The following CWF19L2 variants were observed in gnomAD, a reference collection of about 807,000 sequenced individuals.
The protein encoded by CWF19L2 is CWF19 like cell cycle control factor 2, also known as CWF19-like protein 2.
CWF19L2 carries 98 observed loss-of-function variants against 111.7 expected under a neutral mutation model. That is an observed-to-expected ratio of 0.88 (90% confidence interval 0.75 to 1.04). The LOEUF is 1.04. CWF19L2 is among the 50% of genes least tolerant of loss of function. The pLI is 0.00. For synonymous variants in CWF19L2, 351 were observed against 342.9 expected, an observed-to-expected ratio of 1.02 and a Z score of -0.26; for missense variants, 1,101 against 1,051.4, an observed-to-expected ratio of 1.05 and a Z score of -0.65.
At chr11:107,412,679 CT>C (rs1861174507) in intron 10 of CWF19L2, among the ~76,000 whole-genome samples, 1 of 152,186 alleles carries the variant, frequency 6.6e-6, no homozygotes, top group Non-Finnish European at 1.5e-5. Flanking sequence ...ACACAAAAAA[CT>C]GCACACAGAT....
At chr11:107,426,696 T>C (rs1274344599) in intron 8 of CWF19L2, among the ~76,000 whole-genome samples, 3 of 151,736 alleles carry the variant, frequency 2.0e-5, no homozygotes, top group Non-Finnish European at 4.4e-5. Flanking sequence ...GATATACTTA[T>C]TGGGAAAAAA....
chr11:107,365,523 C>T (rs1292137809), intron 12 of CWF19L2, among the ~76,000 whole-genome samples: 12 of 90,260 alleles, frequency 1.3e-4, no homozygotes, highest in African/African-American at 3.5e-4. Flanking sequence ...GTTCAATATA[C>T]GCAAATCAAT....
chr11:107,334,469 G>GAA (rs1380530730), intron 16 of CWF19L2, among the ~76,000 whole-genome samples: 3 of 152,124 alleles, frequency 2.0e-5, no homozygotes, highest in African/African-American at 7.2e-5. Context: ...ATAAGAAAAA[G>GAA]AAAATGAGTT....
chr11:107,409,968 A>G (rs77833551), intron 10 of CWF19L2, among the ~76,000 whole-genome samples: 119 of 152,244 alleles, frequency 7.8e-4, no homozygotes, highest in African/African-American at 2.8e-3. Flanking sequence ...CCCTTGTCCT[A>G]AATACTAAAT....
intron 7 of CWF19L2, 94 bp from the exon 8 acceptor site, chr11:107,429,545 G>T: frequency 1.0e-6 from 1 of 976,690 alleles, no homozygotes; most frequent in Non-Finnish European, 1.5e-6. Context: ...CTGCCAAGTG[G>T]CACACTGAAA....
At chr11:107,399,328 T>C (rs1327201414) in intron 10 of CWF19L2, among the ~76,000 whole-genome samples, 1 of 152,052 alleles carries the variant, frequency 6.6e-6, no homozygotes, top group Non-Finnish European at 1.5e-5. Flanking sequence ...TTCAGGAAAC[T>C]CACCTAACAC....
intron 8 of CWF19L2, among the ~76,000 whole-genome samples, chr11:107,425,860 CATT>C (rs1861368791): frequency 6.6e-6 from 1 of 151,952 alleles, no homozygotes; most frequent in South Asian, 2.1e-4. Flanking sequence ...AAGGACTTCT[CATT>C]AATTTTTGTT....
chr11:107,457,259 C>A (rs1426746070), intron 1 of CWF19L2, among the ~76,000 whole-genome samples: 1 of 152,064 alleles, frequency 6.6e-6, no homozygotes, highest in Non-Finnish European at 1.5e-5. Flanking sequence ...GGAATTGATA[C>A]CAATAGAGAC....
At chr11:107,399,108 A>G (rs547637057) in intron 10 of CWF19L2, among the ~76,000 whole-genome samples, 3 of 152,342 alleles carry the variant, frequency 2.0e-5, no homozygotes, top group Admixed American at 6.5e-5. Context: ...TCTTTAAAGC[A>G]TAAATTACAC....
chr11:107,332,169 C>T (rs887387193), intron 16 of CWF19L2, among the ~76,000 whole-genome samples: 15 of 152,162 alleles, frequency 9.9e-5, no homozygotes, highest in African/African-American at 3.4e-4. Context: ...TAGTTTAGAA[C>T]ATCAATTTCT....
chr11:107,384,565 T>G (rs1337336408), intron 12 of CWF19L2, among the ~76,000 whole-genome samples: 1 of 152,172 alleles, frequency 6.6e-6, no homozygotes, highest in African/African-American at 2.4e-5. Context: ...TCAAATACAT[T>G]TGCATTGAAG....
intron 4 of CWF19L2, 141 bp downstream of exon 4, chr11:107,442,798 G>GGGAGGGAA: frequency 3.8e-6 from 1 of 265,696 alleles, no homozygotes; most frequent in South Asian, 4.7e-5. Context: ...AAGGAAGGGA[G>GGGAGGGAA]GGAGGGAGGG....
At chr11:107,362,336 A>C (rs656869) in intron 12 of CWF19L2, among the ~76,000 whole-genome samples, 125,109 of 151,416 alleles carry the variant, frequency 0.83, 52,268 homozygotes, top group African/African-American at 0.95. Flanking sequence ...CTCAAGGAGG[A>C]CTGCCTGCCT....
chr11:107,380,773 TCC>T (rs1254566686), intron 12 of CWF19L2, among the ~76,000 whole-genome samples: 1 of 152,148 alleles, frequency 6.6e-6, no homozygotes. Context: ...ACACCAATGT[TCC>T]TAAGAGCATT....
intron 2 of CWF19L2, among the ~76,000 whole-genome samples, chr11:107,454,833 A>G (rs995091203): frequency 6.6e-6 from 1 of 152,184 alleles, no homozygotes; most frequent in African/African-American, 2.4e-5. Context: ...TTTGTAGATT[A>G]ATGTGACAAA....
Position 107,329,436 on chromosome 11 carries a change from C to T in CWF19L2, c.2541+482G>A, listed in dbSNP as rs116208686. Among the ~76,000 whole-genome samples, 692 of 152,242 alleles carry T rather than the reference C, an allele frequency of 4.5e-3. 5 individuals carry two copies. Among genetic ancestry groups the T allele is most frequent in the African/African-American group, 0.015 (618 of 41,530 alleles). On this transcript the variant is annotated intron_variant, in intron 17 of 17. Transcript: ENST00000282251. Reference sequence around the variant, plus strand: ...GAGAAAATTGGTTCTCTAGTTCAACCATGACTATATGTACTCCTAGTTCTA... The same window carrying T: ...GAGAAAATTGGTTCTCTAGTTCAACTATGACTATATGTACTCCTAGTTCTA...
chr11:107,412,637 A>G (rs1359635818), intron 10 of CWF19L2, among the ~76,000 whole-genome samples: 2 of 152,198 alleles, frequency 1.3e-5, no homozygotes, highest in African/African-American at 4.8e-5. Context: ...CAGTGCGCCC[A>G]GCCTACCAAA....
chr11:107,451,377 C>T (rs905433231), intron 3 of CWF19L2, among the ~76,000 whole-genome samples: 2 of 151,794 alleles, frequency 1.3e-5, no homozygotes, highest in African/African-American at 2.4e-5. Context: ...AAATCAGTGG[C>T]GATACATTCA....
intron 12 of CWF19L2, among the ~76,000 whole-genome samples, chr11:107,383,593 C>T (rs1431433599): frequency 6.6e-6 from 1 of 151,968 alleles, no homozygotes; most frequent in African/African-American, 2.4e-5. Flanking sequence ...CCTATACAAA[C>T]ACAATTAAGT....
Sources: allele counts gnomAD v4.1 joint callset (sites outside exome capture counted in the v4.1 genomes callset), GRCh38; gene constraint gnomAD v4.1.1; transcripts MANE v1.5; gene names NCBI Gene and HGNC (gene_info 2026-07-23, HGNC 2026-07-21).